The following SLIT1 variants were observed in gnomAD, a reference collection of about 807,000 sequenced individuals.
SLIT1 encodes the protein slit homolog 1 protein.
Under a neutral mutation model 186.1 loss-of-function variants are expected in SLIT1, and 66 were observed. The ratio of observed to expected loss-of-function variants is 0.35; its 90% CI spans 0.29 to 0.44. The LOEUF is 0.44. SLIT1 is among the 20% of genes least tolerant of loss of function. SLIT1 has a pLI of 1.00. For synonymous variants in SLIT1, 761 were observed against 833.8 expected (o/e 0.91, Z 1.50); for missense variants, 1,638 against 2,037.4 (o/e 0.80, Z 3.77).
chr10:97,170,812 C>T (rs761853394), intron 1 of SLIT1, among the ~76,000 whole-genome samples: 19 of 152,182 alleles, frequency 1.2e-4, no homozygotes, highest in South Asian at 2.1e-4. Context: ...TCTCAGGAAA[C>T]AAGAATTTGA....
chr10:97,151,738 GTGCT>G (rs1285069386), intron 4 of SLIT1, among the ~76,000 whole-genome samples: 1 of 152,160 alleles, frequency 6.6e-6, no homozygotes, highest in Non-Finnish European at 1.5e-5. Context: ...AATTCGGAAA[GTGCT>G]GACCTCGTAG....
chr10:97,100,450 G>A (rs1054729915), intron 4 of SLIT1, among the ~76,000 whole-genome samples: 1 of 151,896 alleles, frequency 6.6e-6, no homozygotes, highest in African/African-American at 2.4e-5. Context: ...ATGGTGAAAC[G>A]CTGTCTCTAC....
Position 97,002,858 on chromosome 10 carries a change from C to G in SLIT1, c.4000G>C (p.Gly1334Arg). ...QDFTKTQMKPGVVPGCEPCRK... is the reference protein window; with the variant it reads ...QDFTKTQMKPRVVPGCEPCRK... ...CAGGGTTCGCAGCCTGGCACCACGC[C>G]TGGCTTCATCTGCGTCTTGGTGAAG... The change falls in exon 35 of 37, where the codon GGC becomes CGC. Residue 1334 changes from glycine to arginine, a missense_variant. By Grantham distance (125) the Gly-to-Arg change is moderately radical. Transcript: ENST00000266058. 6.2e-7 allele frequency: 1 copy of G among 1,614,244 alleles called. No homozygotes were observed.
At chr10:97,026,268 A>AGCCTG (rs1300743550) in intron 25 of SLIT1, among the ~76,000 whole-genome samples, 2 of 152,110 alleles carry the variant, frequency 1.3e-5, no homozygotes, top group East Asian at 3.9e-4. Flanking sequence ...GTTTGAGACC[A>AGCCTG]GCCTGGCCAA....
chr10:97,175,684 C>T lies in SLIT1; in HGVS notation c.197+9794G>A, dbSNP rs547527629. The stretch of plus-strand genomic sequence containing the variant: ...CTTCTGAGGCCCTGCCTTGCTCTTG[C>T]CAATCCCCTTCCCAGGTCTGGGACC... On this transcript the variant is annotated intron_variant, in intron 1 of 36. Coordinates refer to ENST00000266058, the MANE Select transcript of SLIT1 (RefSeq NM_003061.3). Among the ~76,000 whole-genome samples, 6 of 152,278 alleles carry T rather than the reference C, an allele frequency of 3.9e-5. No individual in the cohort carries two copies. The East Asian group carries it at 7.7e-4, about 20-fold the overall frequency.
intron 31 of SLIT1, among the ~76,000 whole-genome samples, chr10:97,008,230 G>T (rs1203339831): frequency 9.2e-5 from 14 of 152,040 alleles, no homozygotes. Context: ...ATGAAATTAA[G>T]AAAACAATTC....
intron 13 of SLIT1, among the ~76,000 whole-genome samples, chr10:97,051,275 A>G (rs988057404): frequency 1.3e-5 from 2 of 150,806 alleles, no homozygotes; most frequent in African/African-American, 4.9e-5. Flanking sequence ...AAAAAAAAAG[A>G]CAAACAATAC....
intron 22 of SLIT1, among the ~76,000 whole-genome samples, chr10:97,034,823 C>A (rs1384233495): frequency 6.6e-6 from 1 of 152,182 alleles, no homozygotes; most frequent in Non-Finnish European, 1.5e-5. Flanking sequence ...CCCCTTTTTA[C>A]CATGGGAACA....
At chr10:97,106,387 AGAAT>A (rs5787218) in intron 4 of SLIT1, among the ~76,000 whole-genome samples, 1 of 144,916 alleles carries the variant, frequency 6.9e-6, no homozygotes. Flanking sequence ...AGAGACAGAG[AGAAT>A]GAATGAATGA....
At chr10:97,091,294 T>C (rs1017059454) in intron 4 of SLIT1, among the ~76,000 whole-genome samples, 3 of 152,256 alleles carry the variant, frequency 2.0e-5, no homozygotes, top group Non-Finnish European at 4.4e-5. Flanking sequence ...TCCTCATGTC[T>C]TTCCGTGAAG....
intron 11 of SLIT1, 70 bp from the exon 12 acceptor site, chr10:97,057,351 G>A (rs770630735): frequency 2.3e-6 from 3 of 1,318,308 alleles, no homozygotes; most frequent in Non-Finnish European, 3.3e-6. Context: ...CTCTGCAGAC[G>A]GCCCCAGCTC....
chr10:97,066,854 A>T (rs942406413), intron 4 of SLIT1, among the ~76,000 whole-genome samples: 5 of 152,150 alleles, frequency 3.3e-5, no homozygotes, highest in African/African-American at 7.2e-5. Context: ...CCCCCACAGC[A>T]TCGTGCAGGG....
In SLIT1 at chr10:97,006,573, C is replaced by G; in HGVS notation, c.3489G>C (p.Glu1163Asp). The G allele has an allele frequency of 6.2e-7, 1 of 1,614,208 alleles. No homozygotes were observed. The highest frequency in any genetic ancestry group is 8.5e-7 in the Non-Finnish European group (1 of 1,180,024). Residue 1163 changes from glutamate (E) to aspartate (D), a missense_variant, in exon 32 of 37, where the codon GAG (glutamate) becomes GAC (aspartate). By Grantham distance (45) the Glu-to-Asp change is conservative. Transcript: ENST00000266058. This position sits in a 1 kb window ranked among gnomAD's most constrained non-coding sequence, Gnocchi z 4.0. ...CLPGFGGPEC[E>D]KLLSVNFVDR... ...CCACAAAGTTGACACTGAGCAACTTCTCACACTCAGGGCCACCGAAGCCTG... is the reference window on the plus strand; with the variant it reads ...CCACAAAGTTGACACTGAGCAACTTGTCACACTCAGGGCCACCGAAGCCTG...
chr10:97,045,791 T>C (rs1848728825), intron 18 of SLIT1, among the ~76,000 whole-genome samples: 1 of 152,230 alleles, frequency 6.6e-6, no homozygotes, highest in Admixed American at 6.5e-5. Context: ...GGGAGTCCTG[T>C]CACACATTCA....
chr10:97,058,189 C>T (rs1420801146), intron 11 of SLIT1: 5 of 649,784 alleles, frequency 7.7e-6, no homozygotes, highest in South Asian at 6.7e-5. Flanking sequence ...ATCAGATTCC[C>T]ATTTCAGAAA....
chr10:97,034,583 T>C (rs1262845103), intron 22 of SLIT1, 41 bp from the exon 23 acceptor site: 1 of 1,549,402 alleles, frequency 6.5e-7, no homozygotes, highest in South Asian at 1.1e-5. Context: ...AAGAACTCAC[T>C]CAGCCCTGGC....
intron 20 of SLIT1, among the ~76,000 whole-genome samples, chr10:97,041,416 G>A (rs1167851915): frequency 2.8e-4 from 42 of 150,008 alleles, no homozygotes; most frequent in Admixed American, 6.6e-5. Flanking sequence ...AGCAAATGTC[G>A]ACAGGAGTTA....
intron 4 of SLIT1, chr10:97,102,441 AAGAAAGAAAG>A: frequency 6.8e-6 from 1 of 147,700 alleles, no homozygotes; most frequent in East Asian, 2.0e-4. Flanking sequence ...AAAAAAAAGA[AAGAAAGAAAG>A]AAAAAAGAAA....
intron 4 of SLIT1, among the ~76,000 whole-genome samples, chr10:97,130,105 G>T (rs1849639400): frequency 6.6e-6 from 1 of 152,256 alleles, no homozygotes; most frequent in Admixed American, 6.5e-5. Context: ...GTTTGGGACA[G>T]CACCCTGAGT....
Sources: gnomAD v4.1 joint callset for allele counts (sites outside exome capture counted in the v4.1 genomes callset) on GRCh38, gnomAD v4.1.1 for gene constraint, Gnocchi (gnomAD v3.1) non-coding constraint, MANE v1.5 for transcripts, NCBI Gene and HGNC (gene_info 2026-07-23, HGNC 2026-07-21) for gene names.